Variants in ZNF536 observed in about 807,000 individuals in gnomAD.
ZNF536 encodes zinc finger protein 536.
Under a neutral mutation model 84.5 loss-of-function variants are expected in ZNF536, and 13 were observed. That is an observed-to-expected ratio of 0.15 (90% CI 0.10 to 0.24). ZNF536 has a LOEUF of 0.24. Ranked by LOEUF, ZNF536 falls within the 10% of genes least tolerant of loss-of-function variation. The pLI is 1.00. For missense variants in ZNF536, 1,536 were observed against 1,747.5 expected, an observed-to-expected ratio of 0.88 and a Z score of 2.16; for synonymous variants, 811 against 742.5, an observed-to-expected ratio of 1.09 and a Z score of -1.50.
chr19:30,569,627 G>A (rs2146531918), intron 1 of ZNF536, among the ~76,000 whole-genome samples: 1 of 131,034 alleles, frequency 7.6e-6, no homozygotes. Flanking sequence ...CTGGAGTGCA[G>A]TGGCATGATC....
intron 2 of ZNF536, among the ~76,000 whole-genome samples, chr19:30,516,696 AAC>A (rs1488752040): frequency 6.6e-6 from 1 of 152,204 alleles, no homozygotes; most frequent in East Asian, 1.9e-4. Context: ...CTGGAATCAA[AAC>A]ACATGAGAAA....
At chr19:30,379,833 C>T (rs2048956205) in intron 1 of ZNF536, among the ~76,000 whole-genome samples, 1 of 152,146 alleles carries the variant, frequency 6.6e-6, no homozygotes, top group Admixed American at 6.5e-5. Flanking sequence ...CTGTGACTGC[C>T]CGTCACTCAG....
At chr19:30,411,867 T>A (rs1025337973) in intron 1 of ZNF536, among the ~76,000 whole-genome samples, 4 of 152,088 alleles carry the variant, frequency 2.6e-5, no homozygotes, top group African/African-American at 9.7e-5. Flanking sequence ...AGATTAATTT[T>A]AAAAAAATTT....
At chr19:30,415,900 A>G (rs1357149634) in intron 1 of ZNF536, among the ~76,000 whole-genome samples, 3 of 152,116 alleles carry the variant, frequency 2.0e-5, no homozygotes, top group Non-Finnish European at 2.9e-5. Flanking sequence ...ATGAGCCATC[A>G]TGCCCGGCCC....
At chr19:30,266,931 G>A (rs1240574887) in intron 1 of ZNF536, among the ~76,000 whole-genome samples, 1 of 152,180 alleles carries the variant, frequency 6.6e-6, no homozygotes, top group Non-Finnish European at 1.5e-5. Context: ...TCTGACAACG[G>A]AATCCGTTAT....
chr19:30,591,738 G>A (rs1012086059), intron 1 of ZNF536, among the ~76,000 whole-genome samples: 3 of 152,146 alleles, frequency 2.0e-5, no homozygotes, highest in Admixed American at 2.0e-4. Flanking sequence ...AAAGAAAATA[G>A]TTTGTGTTGG....
At chr19:30,263,280 T>C (rs1271921845) in intron 1 of ZNF536, among the ~76,000 whole-genome samples, 1 of 152,112 alleles carries the variant, frequency 6.6e-6, no homozygotes, top group East Asian at 1.9e-4. Flanking sequence ...AGCATAATGA[T>C]TTTGGAAAGC....
chr19:30,259,487 G>A (rs1246792538), intron 1 of ZNF536, among the ~76,000 whole-genome samples: 1 of 152,202 alleles, frequency 6.6e-6, no homozygotes, highest in East Asian at 1.9e-4. Context: ...AATCGGAAAC[G>A]CTGTGGGTTA....
intron 1 of ZNF536, among the ~76,000 whole-genome samples, chr19:30,280,939 G>A (rs973767029): frequency 6.6e-6 from 1 of 152,170 alleles, no homozygotes; most frequent in Non-Finnish European, 1.5e-5. Flanking sequence ...GTTCAGCGGG[G>A]CTCATTCAGT....
intron 1 of ZNF536, among the ~76,000 whole-genome samples, chr19:30,630,666 T>C (rs951756521): frequency 6.6e-6 from 1 of 152,188 alleles, no homozygotes; most frequent in African/African-American, 2.4e-5. Flanking sequence ...ACCTCCCTTC[T>C]GCCTGCTCTT....
intron 2 of ZNF536, among the ~76,000 whole-genome samples, chr19:30,481,025 T>C (rs1381307161): frequency 7.5e-6 from 1 of 134,142 alleles, no homozygotes; most frequent in East Asian, 2.0e-4. Context: ...TTAGACCCTG[T>C]CTCAAAAAAA....
chr19:30,371,602 T>C (rs2048615191), upstream of ZNF536, among the ~76,000 whole-genome samples: 1 of 149,970 alleles, frequency 6.7e-6, no homozygotes, highest in Non-Finnish European at 1.5e-5. Context: ...CAATGCCACA[T>C]GCTATCCAGT....
rs1016149890 is a variant in ZNF536, at chr19:30,703,476, C to T, written c.170-7281C>T. On this transcript the variant is annotated intron_variant, in intron 1 of 1. Transcript: ENST00000592773. ...CTCACCCACATCAAATTCTATCTCA[C>T]ATTTGCTGAACTTTCTCCCAGTGAA... is the stretch of plus-strand genomic sequence containing the variant. 7.9e-5 allele frequency among the ~76,000 whole-genome samples: 12 copies of T among 152,210 alleles called. No individual in the cohort carries two copies. In the East Asian group the frequency reaches 2.3e-3, roughly 29 times the overall value.
At chr19:30,350,254 T>A (rs1233116280) in intron 2 of ZNF536, among the ~76,000 whole-genome samples, 1 of 152,232 alleles carries the variant, frequency 6.6e-6, no homozygotes, top group South Asian at 2.1e-4. Flanking sequence ...TAAGCCTGCA[T>A]CACTCAAAAC....
chr19:30,257,883 A>AAC (rs2024994142), intron 1 of ZNF536, among the ~76,000 whole-genome samples: 1 of 152,188 alleles, frequency 6.6e-6, no homozygotes, highest in Non-Finnish European at 1.5e-5. Flanking sequence ...CAGAACACTG[A>AAC]AGTTAAGTGA....
At chr19:30,667,585 A>C (rs1247338355) in intron 1 of ZNF536, among the ~76,000 whole-genome samples, 1 of 150,894 alleles carries the variant, frequency 6.6e-6, no homozygotes, top group African/African-American at 2.4e-5. Context: ...CTGTGTATAA[A>C]ACAATGTCAG....
chr19:30,371,383 C>T (rs1237870414), upstream of ZNF536, among the ~76,000 whole-genome samples: 1 of 152,006 alleles, frequency 6.6e-6, no homozygotes. Context: ...CTGTTGTGGC[C>T]GCAACACTGA....
In ZNF536 at chr19:30,529,607, G is replaced by T. The variant is rs563467737; in HGVS notation, c.2171-5240G>T. ...CTATAGACTCGGAGGATAAGAACAA[G>T]CGAATGGGCATGTAGACAACATTGC... is the stretch of plus-strand genomic sequence containing the variant. On this transcript the variant is annotated intron_variant, in intron 2 of 4. Coordinates refer to ENST00000355537, the MANE Select transcript of ZNF536 (RefSeq NM_014717.3). Among the ~76,000 whole-genome samples the T allele has an allele frequency of 1.4e-4, 21 of 152,326 alleles. No individual in the cohort carries two copies. In the South Asian group the frequency reaches 4.4e-3, roughly 32 times the overall value.
At chr19:30,602,433 A>G (rs2047723117) in intron 1 of ZNF536, among the ~76,000 whole-genome samples, 1 of 152,210 alleles carries the variant, frequency 6.6e-6, no homozygotes, top group African/African-American at 2.4e-5. Context: ...ATACAACCCC[A>G]ATACATTTAT....
Sources: gnomAD v4.1 joint callset for allele counts (sites outside exome capture counted in the v4.1 genomes callset) on GRCh38, gnomAD v4.1.1 for gene constraint, MANE v1.5 for transcripts, NCBI Gene and HGNC (gene_info 2026-07-23, HGNC 2026-07-21) for gene names.